GALNT18: variants seen among roughly 807,000 people sequenced by gnomAD.
GALNT18 encodes the protein GalNAc-transferase 18.
GALNT18 carries 44 observed loss-of-function variants against 69.5 expected under a neutral mutation model. The ratio of observed to expected loss-of-function variants is 0.63; its 90% CI spans 0.50 to 0.81. GALNT18 has a LOEUF of 0.81. Ranked by LOEUF, GALNT18 falls within the 40% of genes least tolerant of loss-of-function variation. The pLI is 0.00. For missense variants in GALNT18, 715 were observed against 810.0 expected (o/e 0.88, Z 1.42); for synonymous variants, 364 against 318.2 (o/e 1.14, Z -1.53).
At chr11:11,284,437 G>C (rs969236768) in intron 10 of GALNT18, among the ~76,000 whole-genome samples, 69 of 152,206 alleles carry the variant, frequency 4.5e-4, no homozygotes, top group African/African-American at 1.4e-3. Flanking sequence ...CTGTTTCATT[G>C]GTGGTGGTGG....
intron 1 of GALNT18, among the ~76,000 whole-genome samples, chr11:11,556,481 C>T (rs1221893557): frequency 6.6e-6 from 1 of 152,228 alleles, no homozygotes; most frequent in African/African-American, 2.4e-5. Flanking sequence ...GTTCGTCTCA[C>T]TTCTGTGCAA....
Position 11,605,026 on chromosome 11 carries a change from C to T in GALNT18, c.235+16333G>A, listed in dbSNP as rs1030613697. Among the ~76,000 whole-genome samples, 1 of 152,180 alleles carries T rather than the reference C, an allele frequency of 6.6e-6. No individual in the cohort carries two copies. Among genetic ancestry groups the T allele is most frequent in the African/African-American group, 2.4e-5 (1 of 41,428 alleles). On this transcript the variant is annotated intron_variant, in intron 1 of 10. Coordinates refer to ENST00000227756, the MANE Select transcript of GALNT18 (RefSeq NM_198516.3). This position sits in a 1 kb window ranked among gnomAD's most constrained non-coding sequence, Gnocchi z 4.7. ...TATGTCTACTATGCCCTCTTCCACG[C>T]TACTGCCTAAATGACTCTTCTCAAA...
intron 10 of GALNT18, among the ~76,000 whole-genome samples, chr11:11,292,610 G>T (rs535508956): frequency 6.6e-6 from 1 of 152,098 alleles, no homozygotes; most frequent in African/African-American, 2.4e-5. Context: ...GCTCCATCTC[G>T]TGAGCAGAGG....
rs1856138417 is a variant in GALNT18, at chr11:11,465,567, G to A, written c.236-16631C>T. ...AAGCACAGCTTAGGAAGGGTCTTGA[G>A]AATGGCCTCCGGGAACCAGAGAGGC... On this transcript the variant is annotated intron_variant, in intron 1 of 10. Coordinates refer to ENST00000227756, the MANE Select transcript of GALNT18 (RefSeq NM_198516.3). The surrounding 1 kb of genome is among the most constrained non-coding windows in gnomAD (Gnocchi z 5.7). 6.6e-6 allele frequency among the ~76,000 whole-genome samples: 1 copy of A among 152,170 alleles called. No individual in the cohort carries two copies. The highest frequency in any genetic ancestry group is 2.1e-4 in the South Asian group (1 of 4,828).
chr11:11,456,906 C>A (rs190729648), intron 1 of GALNT18, among the ~76,000 whole-genome samples: 10 of 152,318 alleles, frequency 6.6e-5, no homozygotes, highest in Non-Finnish European at 1.2e-4. Context: ...GTGGAGCTTA[C>A]AGATACATCC....
At chr11:11,504,238 G>A (rs759207420) in intron 1 of GALNT18, among the ~76,000 whole-genome samples, 4 of 152,168 alleles carry the variant, frequency 2.6e-5, no homozygotes, top group Non-Finnish European at 5.9e-5. Flanking sequence ...AGCAAAGGCA[G>A]GATCAGAGCC....
chr11:11,432,677 C>T lies in GALNT18; in HGVS notation c.539G>A (p.Arg180His), dbSNP rs754112703. 8.1e-6 allele frequency: 13 copies of T among 1,612,798 alleles called. No homozygotes were observed. The highest frequency in any genetic ancestry group is 1.7e-5 in the Admixed American group (1 of 59,890). ...LLRSIHSAME[R>H]TPPHLLKEII... is the part of the protein sequence containing the mutation. ...CTCCTTGAGCAGATGTGGGGGCGTG[C>T]GTTCCATGGCCGAGTGGATGGAGCG... Residue 180 changes from arginine (R) to histidine (H), a missense_variant, in exon 3 of 11, where the codon CGC becomes CAC. By Grantham distance (29) the Arg-to-His change is conservative. Transcript: ENST00000227756. The surrounding 1 kb of genome is among the most constrained non-coding windows in gnomAD (Gnocchi z 5.8).
At chr11:11,441,779 TCTCCCTCCTC>T (rs1855536937) in intron 2 of GALNT18, among the ~76,000 whole-genome samples, 1 of 152,124 alleles carries the variant, frequency 6.6e-6, no homozygotes, top group South Asian at 2.1e-4. Context: ...GCTGGAGCCA[TCTCCCTCCTC>T]CTCCAGGGCC....
chr11:11,317,678 C>T (rs973288985), intron 9 of GALNT18, among the ~76,000 whole-genome samples: 9 of 152,124 alleles, frequency 5.9e-5, no homozygotes, highest in Admixed American at 5.2e-4. Context: ...TCTCCCATTC[C>T]GTAGGTTGTC....
At chr11:11,331,445 C>T (rs11021806) in intron 8 of GALNT18, among the ~76,000 whole-genome samples, 1 of 152,236 alleles carries the variant, frequency 6.6e-6, no homozygotes, top group East Asian at 1.9e-4. Flanking sequence ...TTGGGGGGCA[C>T]ATAGGGAGCA....
chr11:11,551,319 C>A lies in GALNT18; in HGVS notation c.235+70040G>T, dbSNP rs191982046. Among the ~76,000 whole-genome samples, 646 of 152,076 alleles carry A rather than the reference C, an allele frequency of 4.2e-3. 8 individuals are homozygous for A. The highest frequency in any genetic ancestry group is 0.015 in the African/African-American group (622 of 41,486). On this transcript the variant is annotated intron_variant, in intron 1 of 10. Coordinates refer to ENST00000227756, the MANE Select transcript of GALNT18 (RefSeq NM_198516.3). Reference sequence around the variant, plus strand: ...GAGGTCTGTCATAGAACAAGGTGTTCTTCACCCTCCCCTGAAGGAAAACGG... The same window carrying A: ...GAGGTCTGTCATAGAACAAGGTGTTATTCACCCTCCCCTGAAGGAAAACGG...
chr11:11,596,550 G>A lies in GALNT18; in HGVS notation c.235+24809C>T, dbSNP rs12221968. On this transcript the variant is annotated intron_variant, in intron 1 of 10. Transcript: ENST00000227756. This position sits in a 1 kb window ranked among gnomAD's most constrained non-coding sequence, Gnocchi z 4.2. ...TCTTTAACTTTTTCAACAATGTTTT[G>A]TAGTTTTCAGAGTATGAGTTTCTGC... Among the ~76,000 whole-genome samples the A allele has an allele frequency of 0.27, 40,370 of 151,908 alleles. 6,397 individuals are homozygous for A. The highest frequency in any genetic ancestry group is 0.66 in the East Asian group (3,402 of 5,174).
At chr11:11,283,657 C>G (rs74997057) in intron 10 of GALNT18, among the ~76,000 whole-genome samples, 573 of 152,258 alleles carry the variant, frequency 3.8e-3, no homozygotes, top group Non-Finnish European at 5.7e-3. Flanking sequence ...CTGGGCTGGC[C>G]CCTCCCTCTG....
chr11:11,414,816 G>A (rs149115371), intron 3 of GALNT18, among the ~76,000 whole-genome samples: 29 of 152,262 alleles, frequency 1.9e-4, no homozygotes, highest in African/African-American at 6.7e-4. Flanking sequence ...AAACTGAGCA[G>A]CTTGAAACAA....
intron 3 of GALNT18, among the ~76,000 whole-genome samples, chr11:11,395,002 A>G (rs1184323603): frequency 6.6e-6 from 1 of 152,260 alleles, no homozygotes; most frequent in Non-Finnish European, 1.5e-5. Flanking sequence ...AACTCAGCAC[A>G]CAGACTCAGC....
At chr11:11,498,975 AAAT>A (rs1856922749) in intron 1 of GALNT18, among the ~76,000 whole-genome samples, 1 of 152,232 alleles carries the variant, frequency 6.6e-6, no homozygotes. Context: ...CAATGTCCAT[AAAT>A]AATATTTCAC....
intron 6 of GALNT18, among the ~76,000 whole-genome samples, chr11:11,366,531 AC>A (rs1366030075): frequency 1.3e-5 from 2 of 152,224 alleles, no homozygotes; most frequent in African/African-American, 4.8e-5. Flanking sequence ...TAACTCCTTG[AC>A]CAACATAAAC....
chr11:11,304,547 C>T (rs898089326), intron 9 of GALNT18, among the ~76,000 whole-genome samples: 1 of 152,190 alleles, frequency 6.6e-6, no homozygotes, highest in Non-Finnish European at 1.5e-5. Context: ...CTGAGGAATA[C>T]TTCCCCTGAC....
rs995715573 is a variant in GALNT18, at chr11:11,338,584, G to A, written c.1278+2235C>T. On this transcript the variant is annotated intron_variant, in intron 7 of 10. Coordinates refer to ENST00000227756, the MANE Select transcript of GALNT18 (RefSeq NM_198516.3). This position sits in a 1 kb window ranked among gnomAD's most constrained non-coding sequence, Gnocchi z 5.3. ...CAGGATGAGAACAGGAGCAGATCTG[G>A]AGGAAGAAGATGGGTTTGGCTGGTC... is the stretch of plus-strand genomic sequence containing the variant. Among the ~76,000 whole-genome samples the A allele has an allele frequency of 3.3e-5, 5 of 152,194 alleles. No homozygotes were observed. The highest frequency in any genetic ancestry group is 5.9e-5 in the Non-Finnish European group (4 of 68,030).
Sources: gnomAD v4.1 joint callset for allele counts (sites outside exome capture counted in the v4.1 genomes callset) on GRCh38, gnomAD v4.1.1 for gene constraint, Gnocchi (gnomAD v3.1) non-coding constraint, MANE v1.5 for transcripts, NCBI Gene and HGNC (gene_info 2026-07-23, HGNC 2026-07-21) for gene names.